RPP38: variants seen among roughly 807,000 people sequenced by gnomAD.
The protein encoded by RPP38 is ribonuclease P/MRP subunit p38, also known as ribonuclease P protein subunit p38.
In RPP38, 2 loss-of-function variants were observed where a neutral mutation model predicts 1.7. The observed-to-expected ratio is 1.18, with a 90% CI of 0.48 to 3.70. The LOEUF (loss-of-function observed/expected upper bound fraction) is 3.70, where lower values mean the gene tolerates loss of function less well. RPP38 is among the 30% of genes most tolerant of loss of function. The pLI is 0.07. For missense variants in RPP38, 358 were observed against 340.1 expected, an observed-to-expected ratio of 1.05 and a Z score of -0.41; for synonymous variants, 151 against 131.8, an observed-to-expected ratio of 1.15 and a Z score of -1.00.
chr10:15,098,905 A>AAAGGC (rs1554818067), intron 1 of RPP38, among the ~76,000 whole-genome samples: 2 of 137,034 alleles, frequency 1.5e-5, no homozygotes, highest in African/African-American at 3.1e-5. Context: ...AAAAAAAAAA[A>AAAGGC]AGTTCCTCTG....
Position 15,103,481 on chromosome 10 carries a change from G to C in RPP38, c.167G>C (p.Gly56Ala). The part of the protein sequence containing the change: ...QTLEDRLKAI[G>A]LQKIEDKKKK... Reference sequence around the variant, plus strand: ...CTTGAGGACAGGCTTAAAGCTATTGGACTTCAGAAGATTGAAGATAAGAAG... The same window carrying C: ...CTTGAGGACAGGCTTAAAGCTATTGCACTTCAGAAGATTGAAGATAAGAAG... The change falls in exon 3 of 3, where the codon GGA becomes GCA. Residue 56 changes from glycine to alanine, a missense_variant. Gly to Ala is a moderately conservative substitution (Grantham distance 60). Transcript: ENST00000378197. 4 of 1,614,068 alleles carry C rather than the reference G, an allele frequency of 2.5e-6. No individual in the cohort carries two copies. Among genetic ancestry groups the C allele is most frequent in the Non-Finnish European group, 3.4e-6 (4 of 1,180,008 alleles).
At position 15,102,366 on chromosome 10, in the gene RPP38, T is replaced by C. The variant is rs1021617561; in HGVS notation, c.-11+30T>C. 2.0e-5 allele frequency: 3 copies of C among 152,076 alleles called. No individual in the cohort carries two copies. The East Asian group carries it at 5.8e-4, about 29-fold the overall frequency. The allele number at this position is 152,076 out of a possible 1,614,324, so 9.4% of individuals were successfully genotyped here. ...GCCTCACACTTAGCTAATTTATGTA[T>C]TTTTTGTAGAGGGTTTCTCCATTTG... On this transcript the variant is annotated intron_variant, in intron 2 of 2. Coordinates refer to ENST00000378197, the MANE Select transcript of RPP38 (RefSeq NM_183005.5).
chr10:15,098,224 GTGTT>G (rs1845000843), intron 1 of RPP38, among the ~76,000 whole-genome samples: 3 of 97,632 alleles, frequency 3.1e-5, no homozygotes, highest in South Asian at 5.4e-4. Flanking sequence ...TTATTTGAAC[GTGTT>G]TTTTTTTTTT....
rs34040166 is a variant in RPP38 at position 15,104,062 on chromosome 10, C to G, written c.748C>G (p.Arg250Gly). ...ACCTAAGAGAAAGCTTGCTGACGGT[C>G]GGCAGGCTTCTGTAACATTACAACC... The part of the protein sequence containing the change: ...SKPKRKLADG[R>G]QASVTLQPLK... The change falls in exon 3 of 3, where the codon CGG becomes GGG. Residue 250 changes from arginine (R) to glycine (G), a missense_variant. Physicochemically the swap from Arg to Gly is moderately radical, Grantham distance 125. Coordinates refer to ENST00000378197, the MANE Select transcript of RPP38 (RefSeq NM_183005.5). 0.056 allele frequency: 90,711 copies of G among 1,613,784 alleles called. 2,848 individuals carry two copies. Among genetic ancestry groups the G allele is most frequent in the Middle Eastern group, 0.082 (497 of 6,060 alleles).
At chr10:15,101,694 C>A (rs1386518562) in intron 1 of RPP38, among the ~76,000 whole-genome samples, 1 of 151,886 alleles carries the variant, frequency 6.6e-6, no homozygotes, top group Non-Finnish European at 1.5e-5. Context: ...AGTTCGAGAC[C>A]CGCCTGGCCA....
chr10:15,103,895 G>C lies in RPP38; in HGVS notation c.581G>C (p.Arg194Thr), dbSNP rs773830340. ...ACCACTGACTTTGTGGACGAAGTAA[G>C]AGCCATCATCCCCAGAGTCCCCAGT... Reference protein sequence around the residue: ...KNTTDFVDEVRAIIPRVPSLS... With the variant: ...KNTTDFVDEVTAIIPRVPSLS... The change falls in exon 3 of 3, where the codon AGA becomes ACA. Residue 194 changes from arginine to threonine, a missense_variant. By Grantham distance (71) the Arg-to-Thr change is moderately conservative (BLOSUM62 -1). Transcript: ENST00000378197. 9 of 1,614,052 alleles carry C rather than the reference G, an allele frequency of 5.6e-6. No individual in the cohort carries two copies. In the South Asian group the frequency reaches 7.7e-5, roughly 14 times the overall value.
At chr10:15,101,532 T>G (rs1363175029) in intron 1 of RPP38, among the ~76,000 whole-genome samples, 1 of 152,132 alleles carries the variant, frequency 6.6e-6, no homozygotes, top group African/African-American at 2.4e-5. Flanking sequence ...TATCTTTAAA[T>G]TTCATTACAT....
intron 1 of RPP38, among the ~76,000 whole-genome samples, chr10:15,099,086 A>G (rs956851509): frequency 6.6e-6 from 1 of 152,162 alleles, no homozygotes; most frequent in Non-Finnish European, 1.5e-5. Flanking sequence ...AAAATACTTA[A>G]TCTTTATGGC....
rs1273798196 is a variant in RPP38, at chr10:15,103,752, C to CT, written c.440dup (p.Leu147PhefsTer20). 6.2e-7 allele frequency: 1 copy of CT among 1,613,866 alleles called. No individual in the cohort carries two copies. The highest frequency in any genetic ancestry group is 8.5e-7 in the Non-Finnish European group (1 of 1,180,042). ...TCAAGCCTGCCATGATCACCTCACA[C>CT]TTGATTCAGTTAAGCCTAAGCAGAA... On this transcript the variant is annotated frameshift_variant, in exon 3 of 3. Transcript: ENST00000378197. LOFTEE classifies it low-confidence loss of function (END_TRUNC).
At chr10:15,103,249 G>A in intron 2 of RPP38, 56 bp from the exon 3 acceptor site, 2 of 1,408,690 alleles carry the variant, frequency 1.4e-6, no homozygotes, top group Admixed American at 2.3e-5. Context: ...ATATTCTTAA[G>A]TCATGCAGTT....
intron 1 of RPP38, among the ~76,000 whole-genome samples, chr10:15,098,680 G>A (rs1189608183): frequency 6.6e-6 from 1 of 150,898 alleles, no homozygotes; most frequent in Non-Finnish European, 1.5e-5. Flanking sequence ...AAAGTCAGGA[G>A]ATCGAGACCA....
chr10:15,104,116 C>G lies in RPP38; in HGVS notation c.802C>G (p.Pro268Ala). The G allele has an allele frequency of 2.5e-6, 4 of 1,585,378 alleles. No homozygotes were observed. The highest frequency in any genetic ancestry group is 1.2e-5 in the South Asian group (1 of 84,890). Reference sequence around the variant, plus strand: ...TAAAATAAAGAAACTGATTCCAAACCCTAATAAGATAAGGAAACCACCCAA... The same window carrying G: ...TAAAATAAAGAAACTGATTCCAAACGCTAATAAGATAAGGAAACCACCCAA... ...PLKIKKLIPN[P>A]NKIRKPPKSK... Residue 268 changes from proline (P) to alanine (A), a missense_variant, in exon 3 of 3, where the codon CCT becomes GCT. Coordinates refer to ENST00000378197, the MANE Select transcript of RPP38 (RefSeq NM_183005.5).
rs772853778 is a variant in RPP38, at chr10:15,103,715, T to C, written c.401T>C (p.Val134Ala). ...AGGAGGGAACTGCTGTTAGTTCTGG[T>C]GTGTAAATCAGTCAAGCCTGCCATG... ...LERRELLLVL[V>A]CKSVKPAMIT... The change falls in exon 3 of 3, where the codon GTG becomes GCG. Residue 134 changes from valine to alanine, a missense_variant. Coordinates refer to ENST00000378197, the MANE Select transcript of RPP38 (RefSeq NM_183005.5). 6.2e-7 allele frequency: 1 copy of C among 1,613,820 alleles called. No individual in the cohort carries two copies. The highest frequency in any genetic ancestry group is 8.5e-7 in the Non-Finnish European group (1 of 1,180,024).
chr10:15,098,226 GT>G (rs60451551), intron 1 of RPP38, among the ~76,000 whole-genome samples: 596 of 87,978 alleles, frequency 6.8e-3, no homozygotes, highest in Non-Finnish European at 0.01. Flanking sequence ...ATTTGAACGT[GT>G]TTTTTTTTTT....
chr10:15,098,386 G>A (rs1258978368), intron 1 of RPP38, among the ~76,000 whole-genome samples: 1 of 150,778 alleles, frequency 6.6e-6, no homozygotes, highest in East Asian at 2.0e-4. Context: ...CACCACGCCC[G>A]GCTAATTTTC....
chr10:15,099,061 T>A (rs1845038414), intron 1 of RPP38, among the ~76,000 whole-genome samples: 1 of 64,630 alleles, frequency 1.5e-5, no homozygotes. Context: ...TCTAAGCTCA[T>A]GAGGTCTGTG....
intron 1 of RPP38, among the ~76,000 whole-genome samples, chr10:15,100,923 C>T (rs148668860): frequency 0.01 from 1,546 of 152,202 alleles, 30 homozygotes; most frequent in African/African-American, 0.035. Flanking sequence ...CCTTATGATC[C>T]GCCCGCCTTG....
chr10:15,100,556 GTGTC>G (rs1359724784), intron 1 of RPP38, among the ~76,000 whole-genome samples: 1 of 152,060 alleles, frequency 6.6e-6, no homozygotes, highest in Non-Finnish European at 1.5e-5. Context: ...CTGTGGGAAA[GTGTC>G]TGGGAAGAAT....
At chr10:15,100,377 C>T (rs1845075326) in intron 1 of RPP38, among the ~76,000 whole-genome samples, 1 of 152,090 alleles carries the variant, frequency 6.6e-6, no homozygotes, top group Non-Finnish European at 1.5e-5. Context: ...GGATGAGCCA[C>T]TTTTCTTCCT....
Sources: allele counts gnomAD v4.1 joint callset (sites outside exome capture counted in the v4.1 genomes callset), GRCh38; gene constraint gnomAD v4.1.1; transcripts MANE v1.5; gene names NCBI Gene and HGNC (gene_info 2026-07-23, HGNC 2026-07-21).